The following C12orf42 variants were observed in gnomAD, a reference collection of about 807,000 sequenced individuals.
C12orf42 encodes the protein chromosome 12 open reading frame 42.
Under a neutral mutation model 21.6 loss-of-function variants are expected in C12orf42, and 25 were observed. That is an observed-to-expected ratio of 1.16 (90% CI 0.84 to 1.62). The LOEUF (loss-of-function observed/expected upper bound fraction) is 1.62, where lower values mean the gene tolerates loss of function less well. Among genes scored for constraint, C12orf42 ranks in the 40% most tolerant of loss-of-function variants. C12orf42 has a pLI of 0.00. For missense variants in C12orf42, 483 were observed against 459.3 expected (o/e 1.05, Z -0.47); for synonymous variants, 174 against 175.0 (o/e 0.99, Z 0.05).
At position 103,330,103 on chromosome 12, in the gene C12orf42, C is replaced by A. The variant is rs139621534; in HGVS notation, c.260-23758G>T. Among the ~76,000 whole-genome samples, 1,264 of 152,202 alleles carry A rather than the reference C, an allele frequency of 8.3e-3. 15 individuals carry two copies. The highest frequency in any genetic ancestry group is 8.0e-3 in the Non-Finnish European group (541 of 68,014). ...GAAGTATTACATGAAGTATAATTAG[C>A]AAATAACCCTCACATAATTTTATAA... On this transcript the variant is annotated intron_variant, in intron 4 of 5. Coordinates refer to ENST00000548883, the MANE Select transcript of C12orf42 (RefSeq NM_198521.5).
the C12orf42 span, among the ~76,000 whole-genome samples, chr12:103,120,687 G>A: frequency 6.7e-6 from 1 of 150,198 alleles, no homozygotes; most frequent in Non-Finnish European, 1.5e-5. Context: ...CTTATATTAT[G>A]ATTACTATGA....
At chr12:103,229,687 T>A in the C12orf42 span, among the ~76,000 whole-genome samples, 31 of 152,362 alleles carry the variant, frequency 2.0e-4, no homozygotes, top group Non-Finnish European at 1.5e-5. Flanking sequence ...AGGGAATGAC[T>A]ATATGGAAGT....
chr12:103,416,318 C>T (rs2049328380), intron 2 of C12orf42, among the ~76,000 whole-genome samples: 1 of 151,644 alleles, frequency 6.6e-6, no homozygotes, highest in Non-Finnish European at 1.5e-5. Flanking sequence ...TTCTGTGAAC[C>T]AAAAGGTTTA....
At chr12:103,135,384 A>G in the C12orf42 span, among the ~76,000 whole-genome samples, 1 of 152,044 alleles carries the variant, frequency 6.6e-6, no homozygotes. Context: ...CTTCAGCCCC[A>G]AAGCGGAGGT....
the C12orf42 span, among the ~76,000 whole-genome samples, chr12:103,544,679 T>A: frequency 6.6e-6 from 1 of 152,208 alleles, no homozygotes; most frequent in East Asian, 1.9e-4. Context: ...TAACCTTTCT[T>A]AAATATTTTT....
the C12orf42 span, among the ~76,000 whole-genome samples, chr12:103,068,230 C>G: frequency 6.6e-6 from 1 of 152,162 alleles, no homozygotes; most frequent in Admixed American, 6.5e-5. Context: ...CATATATACA[C>G]TTGTACTAAG....
the C12orf42 span, among the ~76,000 whole-genome samples, chr12:103,060,181 C>T: frequency 2.6e-5 from 4 of 152,034 alleles, no homozygotes; most frequent in African/African-American, 7.2e-5. Context: ...TTCCTGTACA[C>T]CAACAATAGA....
At chr12:103,477,931 G>A (rs1193911890) in intron 2 of C12orf42, 1 of 183,842 alleles carries the variant, frequency 5.4e-6, no homozygotes, top group African/African-American at 2.4e-5. Context: ...CATTACCAGA[G>A]CATTTGTAGT....
chr12:103,059,220 A>C, the C12orf42 span, among the ~76,000 whole-genome samples: 5 of 152,312 alleles, frequency 3.3e-5, no homozygotes, highest in South Asian at 8.3e-4. Context: ...AAACTAGAAA[A>C]ATTTAGAAGA....
the C12orf42 span, among the ~76,000 whole-genome samples, chr12:103,531,669 A>G: frequency 6.6e-6 from 1 of 152,222 alleles, no homozygotes; most frequent in Admixed American, 6.5e-5. Context: ...TCATCAAAAT[A>G]TATCAATTCC....
chr12:103,403,637 T>C (rs2048202013), intron 2 of C12orf42, among the ~76,000 whole-genome samples: 1 of 152,208 alleles, frequency 6.6e-6, no homozygotes, highest in Non-Finnish European at 1.5e-5. Flanking sequence ...AGCTGCTGGT[T>C]TGATTGGAAA....
intron 3 of C12orf42, chr12:103,396,351 T>A (rs897697586): frequency 6.6e-6 from 1 of 152,246 alleles, no homozygotes; most frequent in Non-Finnish European, 1.5e-5. Flanking sequence ...TGATTGTAAG[T>A]TTCCTGAGGC....
At chr12:103,435,772 T>G (rs1195417166) in intron 2 of C12orf42, among the ~76,000 whole-genome samples, 1 of 152,146 alleles carries the variant, frequency 6.6e-6, no homozygotes, top group Non-Finnish European at 1.5e-5. Context: ...AATCTACGTC[T>G]GATTGGTGTA....
intron 4 of C12orf42, among the ~76,000 whole-genome samples, chr12:103,313,768 G>T (rs931723181): frequency 6.6e-6 from 1 of 152,198 alleles, no homozygotes; most frequent in African/African-American, 2.4e-5. Flanking sequence ...AAGGACTCAA[G>T]TAGAAAATTA....
intron 4 of C12orf42, among the ~76,000 whole-genome samples, chr12:103,325,336 C>A (rs1593441572): frequency 6.6e-6 from 1 of 152,158 alleles, no homozygotes; most frequent in Non-Finnish European, 1.5e-5. Flanking sequence ...GGCTCTGCGG[C>A]CCCACACTGC....
intron 4 of C12orf42, among the ~76,000 whole-genome samples, chr12:103,343,185 A>G (rs2042306906): frequency 1.3e-5 from 2 of 152,234 alleles, no homozygotes; most frequent in South Asian, 2.1e-4. Flanking sequence ...ATGTCTTCCC[A>G]TAAGAAATGG....
intron 2 of C12orf42, among the ~76,000 whole-genome samples, chr12:103,426,974 G>C (rs991910998): frequency 6.6e-6 from 1 of 151,970 alleles, no homozygotes; most frequent in African/African-American, 2.4e-5. Flanking sequence ...AATATGGAAA[G>C]AAAAAACCAG....
At chr12:103,063,668 A>G in the C12orf42 span, among the ~76,000 whole-genome samples, 1 of 152,012 alleles carries the variant, frequency 6.6e-6, no homozygotes, top group Non-Finnish European at 1.5e-5. Flanking sequence ...TTTCCTCAGG[A>G]GCTACCCGAA....
chr12:103,136,975 A>G, the C12orf42 span, among the ~76,000 whole-genome samples: 2 of 152,178 alleles, frequency 1.3e-5, no homozygotes. Flanking sequence ...TGGTCTAGGC[A>G]AAGATGAGGG....
Sources: allele counts gnomAD v4.1 joint callset (sites outside exome capture counted in the v4.1 genomes callset), GRCh38; gene constraint gnomAD v4.1.1; transcripts MANE v1.5; gene names NCBI Gene and HGNC (gene_info 2026-07-23, HGNC 2026-07-21).